The following ZBTB20 variants were observed in gnomAD, a reference collection of about 807,000 sequenced individuals.
The protein encoded by ZBTB20 is zinc finger and BTB domain containing 20, also known as zinc finger and BTB domain-containing protein 20.
ZBTB20 carries 9 observed loss-of-function variants against 56.9 expected under a neutral mutation model. The observed-to-expected ratio is 0.16, with a 90% CI of 0.10 to 0.28. The LOEUF is 0.28. Among genes scored for constraint, ZBTB20 ranks in the 10% least tolerant of loss-of-function variants. ZBTB20 has a pLI of 1.00. For synonymous variants in ZBTB20, 417 were observed against 420.7 expected, an observed-to-expected ratio of 0.99 and a Z score of 0.11; for missense variants, 655 against 1,003.0, an observed-to-expected ratio of 0.65 and a Z score of 4.69.
In ZBTB20 at chr3:114,502,933, G is replaced by A. The variant is rs946384391; in HGVS notation, c.-294-2542C>T. 6 of 151,882 alleles carry A rather than the reference G, an allele frequency of 4.0e-5. No individual in the cohort carries two copies. The East Asian group carries it at 1.2e-3, about 29-fold the overall frequency. 9.4% of individuals were successfully genotyped at this position (151,882 alleles called of 1,614,324 possible). On this transcript the variant is annotated intron_variant, in intron 6 of 11. Coordinates refer to ENST00000675478, the MANE Select transcript of ZBTB20 (RefSeq NM_001348800.3). ...TATGTTCAATGATCATTTTTCTGTT[G>A]CATGTTATAAACCCAATAACTCTCA...
At chr3:114,712,526 G>T (rs1330050894) in intron 5 of ZBTB20, among the ~76,000 whole-genome samples, 1 of 151,830 alleles carries the variant, frequency 6.6e-6, no homozygotes, top group Non-Finnish European at 1.5e-5. Flanking sequence ...GGTGGCGCAT[G>T]CCTGTAATCC....
At chr3:114,849,898 CTT>C (rs34170211) in intron 4 of ZBTB20, among the ~76,000 whole-genome samples, 5 of 114,884 alleles carry the variant, frequency 4.4e-5, no homozygotes, top group Non-Finnish European at 5.0e-5. Flanking sequence ...ATCAGGAAAT[CTT>C]TTTTTTTTTT....
chr3:114,802,187 C>A (rs1175823494), intron 4 of ZBTB20, among the ~76,000 whole-genome samples: 1 of 151,768 alleles, frequency 6.6e-6, no homozygotes, highest in Non-Finnish European at 1.5e-5. Context: ...TACAGCGTGG[C>A]AGAATACTTT....
At chr3:114,919,628 C>T (rs914794240) in intron 3 of ZBTB20, among the ~76,000 whole-genome samples, 3 of 151,896 alleles carry the variant, frequency 2.0e-5, no homozygotes, top group African/African-American at 7.3e-5. Flanking sequence ...TCACTTGAAC[C>T]CGGGAGGCAG....
intron 6 of ZBTB20, among the ~76,000 whole-genome samples, chr3:114,580,120 G>A (rs925841489): frequency 6.6e-6 from 1 of 151,612 alleles, no homozygotes; most frequent in Non-Finnish European, 1.5e-5. Context: ...CATACTACAT[G>A]TCAGTAAATT....
At chr3:114,812,111 T>C (rs1257332502) in intron 4 of ZBTB20, among the ~76,000 whole-genome samples, 1 of 152,158 alleles carries the variant, frequency 6.6e-6, no homozygotes, top group Non-Finnish European at 1.5e-5. Flanking sequence ...TAGCAAGATT[T>C]ATTGCAAAGA....
intron 6 of ZBTB20, among the ~76,000 whole-genome samples, chr3:114,509,360 C>G (rs1320720104): frequency 6.6e-6 from 1 of 151,112 alleles, no homozygotes; most frequent in Non-Finnish European, 1.5e-5. Context: ...ACTGTTGATA[C>G]AAGATCTACA....
At chr3:115,145,187 T>A (rs1449018899) in intron 1 of ZBTB20, among the ~76,000 whole-genome samples, 1 of 152,246 alleles carries the variant, frequency 6.6e-6, no homozygotes, top group Non-Finnish European at 1.5e-5. Context: ...CCATGCACTA[T>A]GTGTGCAACA....
chr3:114,754,528 G>GAGTTTTACTTA (rs2067853869), intron 5 of ZBTB20, among the ~76,000 whole-genome samples: 1 of 152,056 alleles, frequency 6.6e-6, no homozygotes, highest in Non-Finnish European at 1.5e-5. Flanking sequence ...ATACCATATG[G>GAGTTTTACTTA]AACCTTGAGT....
chr3:114,892,060 T>C (rs1315853363), intron 4 of ZBTB20, among the ~76,000 whole-genome samples: 1 of 151,576 alleles, frequency 6.6e-6, no homozygotes, highest in Non-Finnish European at 1.5e-5. Context: ...AAAAAAAAAA[T>C]ATCCAAATCT....
intron 2 of ZBTB20, among the ~76,000 whole-genome samples, chr3:114,985,484 T>C (rs1293468710): frequency 6.6e-6 from 1 of 152,146 alleles, no homozygotes; most frequent in East Asian, 1.9e-4. Flanking sequence ...AATGTATTAA[T>C]ACATAAGATT....
chr3:115,029,329 A>G (rs1490506804), intron 2 of ZBTB20, among the ~76,000 whole-genome samples: 1 of 20,610 alleles, frequency 4.9e-5, no homozygotes, highest in Non-Finnish European at 1.5e-4. Context: ...CAGAAGTCCA[A>G]TAAAATTGAA....
chr3:114,521,608 A>C (rs2046644607), intron 6 of ZBTB20, among the ~76,000 whole-genome samples: 1 of 152,164 alleles, frequency 6.6e-6, no homozygotes, highest in African/African-American at 2.4e-5. Flanking sequence ...ATATTGCGAC[A>C]GTACATTGTA....
intron 7 of ZBTB20, among the ~76,000 whole-genome samples, chr3:114,451,829 A>AT (rs1351319179): frequency 9.2e-5 from 14 of 151,804 alleles, no homozygotes; most frequent in African/African-American, 2.9e-4. Flanking sequence ...CTCCTCCTCT[A>AT]TTTTTTTTCC....
At chr3:114,586,274 C>T (rs1191246489) in intron 6 of ZBTB20, among the ~76,000 whole-genome samples, 1 of 152,192 alleles carries the variant, frequency 6.6e-6, no homozygotes, top group East Asian at 1.9e-4. Context: ...GTCCTGAAGA[C>T]TGGATAGCTT....
At chr3:114,477,489 CTTTTTTTTTTTT>C (rs765333264) in intron 7 of ZBTB20, among the ~76,000 whole-genome samples, 1 of 109,266 alleles carries the variant, frequency 9.2e-6, no homozygotes, top group African/African-American at 3.9e-5. Flanking sequence ...GTTCCCTGCA[CTTTTTTTTTTTT>C]TTTTTTTTTT....
At chr3:114,873,710 T>G (rs2107550456) in intron 4 of ZBTB20, among the ~76,000 whole-genome samples, 1 of 152,292 alleles carries the variant, frequency 6.6e-6, no homozygotes, top group Non-Finnish European at 1.5e-5. Flanking sequence ...AAGCAATATT[T>G]CATTTCTAAA....
At chr3:114,589,542 T>C (rs1007825496) in intron 6 of ZBTB20, among the ~76,000 whole-genome samples, 2 of 152,236 alleles carry the variant, frequency 1.3e-5, no homozygotes, top group African/African-American at 4.8e-5. Flanking sequence ...TATTTATAGA[T>C]TGACCATTTA....
intron 3 of ZBTB20, among the ~76,000 whole-genome samples, chr3:114,914,430 T>G (rs1397662390): frequency 6.6e-6 from 1 of 152,100 alleles, no homozygotes; most frequent in Non-Finnish European, 1.5e-5. Context: ...CTTTGTATCC[T>G]GCAAATTTAC....
Sources: gnomAD v4.1 joint callset for allele counts (sites outside exome capture counted in the v4.1 genomes callset) on GRCh38, gnomAD v4.1.1 for gene constraint, MANE v1.5 for transcripts, NCBI Gene and HGNC (gene_info 2026-07-23, HGNC 2026-07-21) for gene names.